The following GFPT2 variants were observed in gnomAD, a reference collection of about 807,000 sequenced individuals.
GFPT2 encodes the protein glutamine--fructose-6-phosphate aminotransferase [isomerizing] 2.
GFPT2 carries 62 observed loss-of-function variants against 85.6 expected under a neutral mutation model. The observed-to-expected ratio is 0.72, with a 90% CI of 0.59 to 0.90. The LOEUF (loss-of-function observed/expected upper bound fraction) is 0.90. Among genes scored for constraint, GFPT2 ranks in the 40% least tolerant of loss-of-function variants. The probability of loss-of-function intolerance (pLI) is 0.00; values close to 1 mark genes in which losing one functional copy is unlikely to be tolerated. For synonymous variants in GFPT2, 368 were observed against 344.5 expected (o/e 1.07, Z -0.75); for missense variants, 788 against 893.4 (o/e 0.88, Z 1.50).
rs939859164 is a variant in GFPT2 at position 180,318,482 on chromosome 5, G to A, written c.958+311C>T. On this transcript the variant is annotated intron_variant, in intron 10 of 18. Transcript: ENST00000253778. This position sits in a 1 kb window ranked among gnomAD's most constrained non-coding sequence, Gnocchi z 4.2. ...CAGACCTGCAGACTTCCACCCAGAG[G>A]AGAAATGATGCCTGAGGGTGGGCAT... 1 of 336,138 alleles carries A rather than the reference G, an allele frequency of 3.0e-6. No individual in the cohort carries two copies. Among genetic ancestry groups the A allele is most frequent in the Non-Finnish European group, 5.7e-6 (1 of 176,638 alleles). The allele number at this position is 336,138 out of a possible 1,614,324, so 20.8% of individuals were successfully genotyped here.
At chr5:180,319,105 A>G (rs1260133034) in intron 9 of GFPT2, 149 bp from the exon 10 acceptor site, 23 of 670,336 alleles carry the variant, frequency 3.4e-5, no homozygotes, top group Non-Finnish European at 5.3e-5. Flanking sequence ...TTTGCAGGTG[A>G]ATCTTCCTTT....
chr5:180,315,413 C>T (rs946245849), intron 13 of GFPT2, among the ~76,000 whole-genome samples: 5 of 152,164 alleles, frequency 3.3e-5, no homozygotes, highest in Admixed American at 2.0e-4. Flanking sequence ...CTCCTGACCT[C>T]GTGATCCGCC....
intron 7 of GFPT2, among the ~76,000 whole-genome samples, chr5:180,325,240 T>C (rs1581379430): frequency 6.6e-6 from 1 of 152,102 alleles, no homozygotes; most frequent in Admixed American, 6.5e-5. Flanking sequence ...GAGGCGCTGG[T>C]GGGGCACAGG....
intron 1 of GFPT2, among the ~76,000 whole-genome samples, chr5:180,345,788 C>A (rs2127657965): frequency 6.6e-6 from 1 of 152,292 alleles, no homozygotes; most frequent in African/African-American, 2.4e-5. Context: ...AGCCTTTGAG[C>A]TGGGTCTGAG....
chr5:180,307,978 T>C (rs11249694), intron 15 of GFPT2, among the ~76,000 whole-genome samples: 4,016 of 149,404 alleles, frequency 0.027, 129 homozygotes, highest in African/African-American at 0.08. Context: ...CGGGCGTGGT[T>C]GGGTGCGGTG....
At chr5:180,315,334 C>G (rs984253193) in intron 13 of GFPT2, among the ~76,000 whole-genome samples, 1 of 152,106 alleles carries the variant, frequency 6.6e-6, no homozygotes, top group Non-Finnish European at 1.5e-5. Flanking sequence ...CCCGCCACCA[C>G]GCCCGGCTAA....
chr5:180,353,121 G>T, intron 1 of GFPT2, 90 bp downstream of exon 1: 1 of 1,104,198 alleles, frequency 9.1e-7, no homozygotes, highest in Non-Finnish European at 1.1e-6. Flanking sequence ...GGTCCTCGGC[G>T]CCTGCTTGCG....
At chr5:180,308,128 C>T (rs1188342396) in intron 15 of GFPT2, among the ~76,000 whole-genome samples, 3 of 151,874 alleles carry the variant, frequency 2.0e-5, no homozygotes, top group Non-Finnish European at 4.4e-5. Flanking sequence ...TGGTGGCGGG[C>T]GCCTGTAGTC....
At chr5:180,301,679 T>C in intron 18 of GFPT2, 71 bp from the exon 19 acceptor site, 1 of 1,251,080 alleles carries the variant, frequency 8.0e-7, no homozygotes, top group South Asian at 1.2e-5. Context: ...ACAGACAATT[T>C]TCAGAGTACT....
chr5:180,312,387 C>T (rs754238207), intron 15 of GFPT2, 43 bp downstream of exon 15: 19 of 978,452 alleles, frequency 1.9e-5, no homozygotes, highest in Non-Finnish European at 3.0e-5. Context: ...CAGCAACAGT[C>T]CACTAGATCT....
chr5:180,309,074 ATCTTGGATAGGCTGGTC>A (rs1253847464), intron 15 of GFPT2, among the ~76,000 whole-genome samples: 1 of 151,950 alleles, frequency 6.6e-6, no homozygotes, highest in Non-Finnish European at 1.5e-5. Flanking sequence ...GGGTTTCACC[ATCTTGGATAGGCTGGTC>A]TTGAACTCCT....
At chr5:180,341,813 A>C (rs1764521525) in intron 1 of GFPT2, among the ~76,000 whole-genome samples, 1 of 152,240 alleles carries the variant, frequency 6.6e-6, no homozygotes, top group Admixed American at 6.5e-5. Flanking sequence ...GCCGCGCAGC[A>C]CTGCTGCTGA....
chr5:180,324,268 C>G lies in GFPT2; in HGVS notation c.714G>C (p.Arg238=), dbSNP rs1275508168. The G allele has an allele frequency of 6.2e-7, 1 of 1,611,202 alleles. No homozygotes were observed. Among genetic ancestry groups the G allele is most frequent in the Non-Finnish European group, 8.5e-7 (1 of 1,177,918 alleles). ...AGGCGGAGCTGTCCAGCCTCTTCAT[C>G]CGTGTCTTACAGATATTCTTCACAT... The part of the protein sequence containing the change: ...LENVKNICKT[R]MKRLDSSACL... Residue 238 remains arginine, a synonymous_variant, in exon 9 of 19, where the codon CGG becomes CGC. Coordinates refer to ENST00000253778, the MANE Select transcript of GFPT2 (RefSeq NM_005110.4).
chr5:180,352,945 A>T, intron 1 of GFPT2: 1 of 409,668 alleles, frequency 2.4e-6, no homozygotes. Context: ...CTCCGTGGGG[A>T]CCGGGCCTCG....
chr5:180,351,289 G>A (rs1764705978), intron 1 of GFPT2, among the ~76,000 whole-genome samples: 1 of 152,200 alleles, frequency 6.6e-6, no homozygotes. Flanking sequence ...GGATACTTAA[G>A]CAAGTGTCAG....
Position 180,302,464 on chromosome 5 carries a change from G to A in GFPT2, c.1963C>T (p.Gln655Ter). ...ACAGCCAGGTGGAAGGACAGCAGCT[G>A]CAGCGGAATCACGCTCAGGATGCCC... is the stretch of plus-strand genomic sequence containing the variant. ...LQGILSVIPL[Q>*]LLSFHLAVLR... Residue 655 changes from glutamine to a stop codon, truncating the protein, a stop_gained, in exon 18 of 19, where the codon CAG (glutamine) becomes TAG (stop). Transcript: ENST00000253778. LOFTEE classifies it high-confidence loss of function. 6.2e-7 allele frequency: 1 copy of A among 1,614,090 alleles called. No homozygotes were observed. Among genetic ancestry groups the A allele is most frequent in the Non-Finnish European group, 8.5e-7 (1 of 1,179,966 alleles).
At chr5:180,308,125 G>A (rs977524086) in intron 15 of GFPT2, among the ~76,000 whole-genome samples, 13 of 151,956 alleles carry the variant, frequency 8.6e-5, no homozygotes, top group Admixed American at 5.3e-4. Flanking sequence ...GCATGGTGGC[G>A]GGCGCCTGTA....
At chr5:180,342,407 GTTT>G (rs757456841) in intron 1 of GFPT2, among the ~76,000 whole-genome samples, 4 of 109,320 alleles carry the variant, frequency 3.7e-5, no homozygotes, top group Admixed American at 1.1e-4. Context: ...TAGGTGAAAT[GTTT>G]TTTTTTTTTT....
intron 4 of GFPT2, among the ~76,000 whole-genome samples, chr5:180,335,287 C>T (rs1165581033): frequency 6.6e-6 from 1 of 152,226 alleles, no homozygotes; most frequent in Non-Finnish European, 1.5e-5. Flanking sequence ...CGGGCTGCGG[C>T]CCCTACTTCT....
Sources: gnomAD v4.1 joint callset for allele counts (sites outside exome capture counted in the v4.1 genomes callset) on GRCh38, gnomAD v4.1.1 for gene constraint, Gnocchi (gnomAD v3.1) non-coding constraint, MANE v1.5 for transcripts, NCBI Gene and HGNC (gene_info 2026-07-23, HGNC 2026-07-21) for gene names.